The following HTRA4 variants were observed in gnomAD, a reference collection of about 807,000 sequenced individuals.
The protein encoded by HTRA4 is HtrA serine peptidase 4.
A neutral mutation model predicts 49.1 loss-of-function variants in HTRA4; 46 were observed. The ratio of observed to expected loss-of-function variants is 0.94; its 90% CI spans 0.74 to 1.20. The LOEUF (loss-of-function observed/expected upper bound fraction) is 1.20, where lower values mean the gene tolerates loss of function less well. Ranked by LOEUF, HTRA4 falls within the 50% of genes most tolerant of loss-of-function variation. The probability of loss-of-function intolerance (pLI) is 0.00; values close to 1 mark genes in which losing one functional copy is unlikely to be tolerated. For missense variants in HTRA4, 602 were observed against 636.9 expected, an observed-to-expected ratio of 0.95 and a Z score of 0.59; for synonymous variants, 261 against 264.0, an observed-to-expected ratio of 0.99 and a Z score of 0.11.
intron 4 of HTRA4, among the ~76,000 whole-genome samples, chr8:38,978,564 T>A (rs1485429166): frequency 6.6e-6 from 1 of 152,152 alleles, no homozygotes; most frequent in Non-Finnish European, 1.5e-5. Context: ...AGAGTGAACT[T>A]TGGGGATGTC....
intron 4 of HTRA4, among the ~76,000 whole-genome samples, chr8:38,978,701 G>A (rs375105630): frequency 6.6e-6 from 1 of 152,216 alleles, no homozygotes; most frequent in South Asian, 2.1e-4. Context: ...CCTGTAAGAA[G>A]GTGGTGGTCC....
At position 38,978,163 on chromosome 8, in the gene HTRA4, C is replaced by G. The variant is rs2129427180; in HGVS notation, c.966+16C>G. On this transcript the variant is annotated intron_variant, in intron 4 of 8. Coordinates refer to ENST00000302495, the MANE Select transcript of HTRA4 (RefSeq NM_153692.4). ...CACAATTAATGTAAGTCACTTAGGACAGAGGTGCCCAACCCATGGGCTGTG... is the reference window on the plus strand; with the variant it reads ...CACAATTAATGTAAGTCACTTAGGAGAGAGGTGCCCAACCCATGGGCTGTG... 1 of 1,600,652 alleles carries G rather than the reference C, an allele frequency of 6.2e-7. No individual in the cohort carries two copies. Among genetic ancestry groups the G allele is most frequent in the Non-Finnish European group, 8.5e-7 (1 of 1,172,278 alleles).
Position 38,988,125 on chromosome 8 carries a change from T to TA in HTRA4, c.*40dup, listed in dbSNP as rs373559742. 0.21 allele frequency: 268,667 copies of TA among 1,264,632 alleles called. 5,083 individuals carry two copies. Among genetic ancestry groups the TA allele is most frequent in the Middle Eastern group, 0.28 (1,260 of 4,458 alleles). 78.3% of individuals were successfully genotyped at this position (1,264,632 alleles called of 1,614,324 possible). A position where few individuals can be genotyped will look rare whatever the true frequency, so the allele number is the denominator to read the frequency against. On this transcript the variant is annotated 3_prime_UTR_variant, in exon 9 of 9. Transcript: ENST00000302495. ...TATCTTGTTTTAAAGTGGGATTATCTAAAAAAAAAAAAACCAGTTATATCA... is the reference window on the plus strand; with the variant it reads ...TATCTTGTTTTAAAGTGGGATTATCTAAAAAAAAAAAAAACCAGTTATATCA...
chr8:38,986,664 T>G (rs990260564), intron 8 of HTRA4, among the ~76,000 whole-genome samples: 10 of 152,232 alleles, frequency 6.6e-5, no homozygotes, highest in African/African-American at 1.9e-4. Context: ...AGAGGTTCAT[T>G]AACTTGTAGA....
At chr8:38,985,422 G>A (rs1203197817) in intron 8 of HTRA4, among the ~76,000 whole-genome samples, 3 of 152,218 alleles carry the variant, frequency 2.0e-5, no homozygotes, top group Non-Finnish European at 4.4e-5. Flanking sequence ...GGCTCCCAAA[G>A]TGCTGGGATT....
intron 2 of HTRA4, among the ~76,000 whole-genome samples, chr8:38,975,934 C>A (rs943962028): frequency 2.0e-5 from 3 of 152,128 alleles, no homozygotes; most frequent in Non-Finnish European, 2.9e-5. Context: ...TCAGTCTTTT[C>A]GCAGCAGAGA....
Position 38,987,914 on chromosome 8 carries a change from CTTT to C in HTRA4, c.1269-16_1269-14del. ...ATTCTTGTTATAGTTTCATGATCCT[CTTT>C]TTTTTCTCCCTCTCTCAGCTCTGGA... On this transcript the variant is annotated intron_variant, in intron 8 of 8. Coordinates refer to ENST00000302495, the MANE Select transcript of HTRA4 (RefSeq NM_153692.4). 6.5e-7 allele frequency: 1 copy of C among 1,527,678 alleles called. No homozygotes were observed. Among genetic ancestry groups the C allele is most frequent in the Non-Finnish European group, 8.7e-7 (1 of 1,143,688 alleles). The allele number at this position is 1,527,678 out of a possible 1,614,324, so 94.6% of individuals were successfully genotyped here.
rs539181184 is a variant in HTRA4 at position 38,981,782 on chromosome 8, G to C, written c.1114+15G>C. The stretch of plus-strand genomic sequence containing the variant: ...CCAGATGAAAGGTAAAGCAAGTTGG[G>C]ATTTTTTTTTTTTTGGTTTCGTCTT... On this transcript the variant is annotated intron_variant, in intron 6 of 8. Transcript: ENST00000302495. The C allele has an allele frequency of 2.6e-4, 406 of 1,562,062 alleles. 4 individuals carry two copies. In the South Asian group the frequency reaches 4.3e-3, roughly 17 times the overall value.
At chr8:38,975,266 C>T in intron 2 of HTRA4, 136 bp downstream of exon 2, 1 of 849,700 alleles carries the variant, frequency 1.2e-6, no homozygotes, top group Non-Finnish European at 1.9e-6. Context: ...GTTGAATAAC[C>T]TGTTCAAGGT....
chr8:38,980,681 T>C (rs1339721056), intron 5 of HTRA4, among the ~76,000 whole-genome samples: 5 of 151,128 alleles, frequency 3.3e-5, no homozygotes, highest in Non-Finnish European at 7.4e-5. Flanking sequence ...GAGGTTGCAA[T>C]GAGCCAAGGT....
At chr8:38,979,792 C>T (rs909872648) in intron 5 of HTRA4, among the ~76,000 whole-genome samples, 1 of 152,068 alleles carries the variant, frequency 6.6e-6, no homozygotes, top group Non-Finnish European at 1.5e-5. Context: ...GTTAGGATTA[C>T]AGGCATGAGC....
At chr8:38,981,454 T>A (rs1054381540) in intron 5 of HTRA4, among the ~76,000 whole-genome samples, 199 bp from the exon 6 acceptor site, 1 of 152,110 alleles carries the variant, frequency 6.6e-6, no homozygotes, top group Non-Finnish European at 1.5e-5. Context: ...TCTGCGCATG[T>A]GCAGTTACCC....
At chr8:38,987,469 CGG>C (rs1442789359) in intron 8 of HTRA4, among the ~76,000 whole-genome samples, 1 of 1,758 alleles carries the variant, frequency 5.7e-4, no homozygotes, top group Non-Finnish European at 8.3e-4. Context: ...TAAGCTGGGG[CGG>C]GGGGGTGGGG....
intron 6 of HTRA4, among the ~76,000 whole-genome samples, 169 bp downstream of exon 6, chr8:38,981,936 C>T (rs937818629): frequency 1.3e-5 from 2 of 152,028 alleles, no homozygotes; most frequent in Admixed American, 1.3e-4. Context: ...CAACCTCTGC[C>T]TCCTGGGTTC....
Position 38,988,199 on chromosome 8 carries a change from C to A in HTRA4, c.*101C>A. 1 of 1,059,386 alleles carries A rather than the reference C, an allele frequency of 9.4e-7. No individual in the cohort carries two copies. The highest frequency in any genetic ancestry group is 1.3e-6 in the Non-Finnish European group (1 of 762,522). The allele number at this position is 1,059,386 out of a possible 1,614,324, so 65.6% of individuals were successfully genotyped here. On this transcript the variant is annotated 3_prime_UTR_variant, in exon 9 of 9. Coordinates refer to ENST00000302495, the MANE Select transcript of HTRA4 (RefSeq NM_153692.4). ...CAAACATGGCAAGAAGTTTTTGGAT[C>A]TTTTTCTTACAAAGAAAAATGGATG...
In HTRA4 at chr8:38,978,149, T is replaced by C. The variant is rs1835376424; in HGVS notation, c.966+2T>C. On this transcript the variant is annotated splice_donor_variant, in intron 4 of 8. Coordinates refer to ENST00000302495, the MANE Select transcript of HTRA4 (RefSeq NM_153692.4). LOFTEE classifies it high-confidence loss of function. ...GTCCAGATTGATGCCACAATTAATGTAAGTCACTTAGGACAGAGGTGCCCA... is the reference window on the plus strand; with the variant it reads ...GTCCAGATTGATGCCACAATTAATGCAAGTCACTTAGGACAGAGGTGCCCA... 6.2e-7 allele frequency: 1 copy of C among 1,610,394 alleles called. No individual in the cohort carries two copies. The highest frequency in any genetic ancestry group is 1.3e-5 in the African/African-American group (1 of 74,822).
chr8:38,987,046 C>A (rs989271308), intron 8 of HTRA4, among the ~76,000 whole-genome samples: 2 of 152,176 alleles, frequency 1.3e-5, no homozygotes, highest in Non-Finnish European at 2.9e-5. Context: ...AAGGTTATTT[C>A]TTGATTTTAG....
At position 38,974,629 on chromosome 8, in the gene HTRA4, C is replaced by T. The variant is rs980152206; in HGVS notation, c.366C>T (p.Thr122=). ...CCGTGTGCGGCAGCGACAGGCGCAC[C>T]TACCCCAGCATGTGCGCGCTCCGGG... ...GGAVCGSDRR[T]YPSMCALRAE... Residue 122 remains threonine, a synonymous_variant, in exon 1 of 9, where the codon ACC becomes ACT. Transcript: ENST00000302495. The T allele has an allele frequency of 1.7e-5, 24 of 1,427,968 alleles. No individual in the cohort carries two copies. The highest frequency in any genetic ancestry group is 1.5e-4 in the East Asian group (5 of 34,172). 88.5% of individuals were successfully genotyped at this position (1,427,968 alleles called of 1,614,324 possible).
chr8:38,977,559 G>A (rs1835368602), intron 3 of HTRA4, among the ~76,000 whole-genome samples: 1 of 152,160 alleles, frequency 6.6e-6, no homozygotes, highest in African/African-American at 2.4e-5. Context: ...TGTGAGAAGT[G>A]TCACCCTGGG....
Sources: allele counts gnomAD v4.1 joint callset (sites outside exome capture counted in the v4.1 genomes callset), GRCh38; gene constraint gnomAD v4.1.1; transcripts MANE v1.5; gene names NCBI Gene and HGNC (gene_info 2026-07-23, HGNC 2026-07-21).